The following GLCCI1 variants were observed in gnomAD, a reference collection of about 807,000 sequenced individuals.
GLCCI1 encodes glucocorticoid induced 1, also known as glucocorticoid-induced transcript 1 protein.
In GLCCI1, 24 loss-of-function variants were observed where a neutral mutation model predicts 52.2. The ratio of observed to expected loss-of-function variants is 0.46; its 90% confidence interval spans 0.33 to 0.65. The LOEUF is 0.65. GLCCI1 is among the 30% of genes least tolerant of loss of function. The pLI is 0.02. For synonymous variants in GLCCI1, 310 were observed against 276.5 expected (o/e 1.12, Z -1.20); for missense variants, 704 against 701.5 (o/e 1.00, Z -0.04).
intron 1 of GLCCI1, among the ~76,000 whole-genome samples, chr7:7,994,232 T>C (rs1780897697): frequency 6.6e-6 from 1 of 152,136 alleles, no homozygotes; most frequent in African/African-American, 2.4e-5. Flanking sequence ...CCAGCCTGGG[T>C]GACAGAGTGA....
chr7:8,002,350 C>T (rs1424874206), intron 1 of GLCCI1, among the ~76,000 whole-genome samples: 2 of 152,062 alleles, frequency 1.3e-5, no homozygotes, highest in Admixed American at 6.5e-5. Flanking sequence ...ATTCATGAAA[C>T]GTTTATAAAA....
At chr7:8,027,516 A>G (rs891831507) in intron 3 of GLCCI1, among the ~76,000 whole-genome samples, 8 of 152,072 alleles carry the variant, frequency 5.3e-5, no homozygotes, top group Non-Finnish European at 1.0e-4. Flanking sequence ...GCATACCACC[A>G]CAAAAAAATC....
At chr7:7,999,170 A>T (rs1235042743) in intron 1 of GLCCI1, among the ~76,000 whole-genome samples, 1 of 151,962 alleles carries the variant, frequency 6.6e-6, no homozygotes, top group African/African-American at 2.4e-5. Flanking sequence ...TTTTAAAGAG[A>T]TAGATAAAGA....
At position 8,009,632 on chromosome 7, in the gene GLCCI1, C is replaced by T. The variant is rs73674768; in HGVS notation, c.609+5573C>T. Among the ~76,000 whole-genome samples, 541 of 152,302 alleles carry T rather than the reference C, an allele frequency of 3.6e-3. 2 individuals are homozygous for T. Among genetic ancestry groups the T allele is most frequent in the African/African-American group, 0.012 (503 of 41,560 alleles). On this transcript the variant is annotated intron_variant, in intron 2 of 7. Transcript: ENST00000223145. ...ACAGGGAAGTAACTGTTCATTCCTA[C>T]TCTGTCCATCTGGGTCACTGACAGT...
chr7:7,980,918 C>T (rs557605356), intron 1 of GLCCI1: 16 of 604,126 alleles, frequency 2.6e-5, no homozygotes, highest in Non-Finnish European at 4.9e-5. Flanking sequence ...TTATTAATCC[C>T]TGATCAATCA....
intron 1 of GLCCI1, chr7:7,982,166 TA>T (rs1426925592): frequency 3.1e-6 from 1 of 320,166 alleles, no homozygotes; most frequent in Non-Finnish European, 6.2e-6. Context: ...GAGAAAGGAG[TA>T]AAAAGAGACT....
intron 3 of GLCCI1, among the ~76,000 whole-genome samples, chr7:8,028,506 A>G (rs1206873958): frequency 6.6e-6 from 1 of 152,196 alleles, no homozygotes; most frequent in Non-Finnish European, 1.5e-5. Flanking sequence ...TACATCAAAA[A>G]AGAAGAAAAA....
At chr7:8,060,424 A>G (rs1460561639) in intron 5 of GLCCI1, among the ~76,000 whole-genome samples, 176 bp downstream of exon 5, 1 of 152,208 alleles carries the variant, frequency 6.6e-6, no homozygotes, top group African/African-American at 2.4e-5. Context: ...TGTCACCACA[A>G]TCAATTTTAC....
chr7:8,072,943 C>T (rs1333067350), intron 6 of GLCCI1, among the ~76,000 whole-genome samples: 2 of 152,050 alleles, frequency 1.3e-5, no homozygotes, highest in African/African-American at 4.8e-5. Context: ...TCAGGGCCTC[C>T]CAGTGAATAG....
chr7:7,976,505 G>GAAAAAAAAAAAAA (rs1562413230), intron 1 of GLCCI1, among the ~76,000 whole-genome samples: 7 of 87,600 alleles, frequency 8.0e-5, no homozygotes, highest in African/African-American at 1.5e-4. Context: ...AAAAGGAAAG[G>GAAAAAAAAAAAAA]AAAAAGGAAA....
At chr7:8,023,588 CTTTTTTTTTT>C (rs571726894) in intron 3 of GLCCI1, among the ~76,000 whole-genome samples, 48 of 41,988 alleles carry the variant, frequency 1.1e-3, no homozygotes, top group Admixed American at 5.0e-3. Context: ...CTCTGTTATT[CTTTTTTTTTT>C]TTTTTTTTTT....
chr7:8,059,252 G>A (rs1782464650), intron 4 of GLCCI1, among the ~76,000 whole-genome samples: 1 of 152,130 alleles, frequency 6.6e-6, no homozygotes, highest in Non-Finnish European at 1.5e-5. Context: ...ATCAATAAGA[G>A]ACAAAAGACA....
intron 4 of GLCCI1, among the ~76,000 whole-genome samples, chr7:8,056,928 A>T (rs1319956270): frequency 6.6e-6 from 1 of 152,222 alleles, no homozygotes; most frequent in African/African-American, 2.4e-5. Flanking sequence ...GAAACAGGGC[A>T]GTAAGATAAA....
chr7:7,969,886 GC>G lies in GLCCI1; in HGVS notation c.457+80del. The G allele has an allele frequency of 8.4e-7, 1 of 1,193,550 alleles. No homozygotes were observed. Among genetic ancestry groups the G allele is most frequent in the Non-Finnish European group, 1.1e-6 (1 of 950,304 alleles). The allele number at this position is 1,193,550 out of a possible 1,614,324, so 73.9% of individuals were successfully genotyped here. On this transcript the variant is annotated intron_variant, in intron 1 of 7. Coordinates refer to ENST00000223145, the MANE Select transcript of GLCCI1 (RefSeq NM_138426.4). The surrounding 1 kb of genome is among the most constrained non-coding windows in gnomAD (Gnocchi z 4.9). ...TCCGTGGAAACTTCAGCCTCTTCGG[GC>G]TTCTCTTTGCTAGTGCATTATCGAA... is the stretch of plus-strand genomic sequence containing the variant.
intron 5 of GLCCI1, among the ~76,000 whole-genome samples, chr7:8,068,903 T>C (rs1352212619): frequency 6.6e-6 from 1 of 152,242 alleles, no homozygotes; most frequent in Non-Finnish European, 1.5e-5. Context: ...ATTAACTAAG[T>C]ATTTTCAGTA....
intron 2 of GLCCI1, among the ~76,000 whole-genome samples, chr7:8,019,919 A>G (rs1234388485): frequency 2.0e-5 from 3 of 152,228 alleles, no homozygotes; most frequent in Non-Finnish European, 4.4e-5. Context: ...GTGAAGGCTT[A>G]GGGTATTACC....
chr7:8,052,637 C>A (rs1245963328), intron 3 of GLCCI1, among the ~76,000 whole-genome samples: 2 of 152,188 alleles, frequency 1.3e-5, no homozygotes, highest in African/African-American at 4.8e-5. Flanking sequence ...TGGCATACTT[C>A]CCACATTGTC....
At chr7:8,057,503 T>G (rs1195761365) in intron 4 of GLCCI1, among the ~76,000 whole-genome samples, 2 of 152,022 alleles carry the variant, frequency 1.3e-5, no homozygotes, top group Non-Finnish European at 2.9e-5. Flanking sequence ...AAGGCAACAT[T>G]ATCGAAACAA....
chr7:8,023,258 G>A (rs531224013), intron 3 of GLCCI1, among the ~76,000 whole-genome samples: 12 of 152,160 alleles, frequency 7.9e-5, no homozygotes, highest in Admixed American at 5.9e-4. Flanking sequence ...CTCGTGATCC[G>A]CCCGCCTTGG....
Sources: gnomAD v4.1 joint callset for allele counts (sites outside exome capture counted in the v4.1 genomes callset) on GRCh38, gnomAD v4.1.1 for gene constraint, Gnocchi (gnomAD v3.1) non-coding constraint, MANE v1.5 for transcripts, NCBI Gene and HGNC (gene_info 2026-07-23, HGNC 2026-07-21) for gene names.